Variants in CCT7 observed in about 807,000 individuals in gnomAD.
CCT7 encodes chaperonin containing TCP1 subunit 7, also known as T-complex protein 1 subunit eta.
Under a neutral mutation model 56.6 loss-of-function variants are expected in CCT7, and 16 were observed. The observed-to-expected ratio is 0.28, with a 90% CI of 0.19 to 0.43. The LOEUF is 0.43. CCT7 is among the 20% of genes least tolerant of loss of function. CCT7 has a pLI of 1.00. For missense variants in CCT7, 519 were observed against 685.6 expected (o/e 0.76, Z 2.71); for synonymous variants, 262 against 254.8 (o/e 1.03, Z -0.27).
chr2:73,239,906 G>T, intron 2 of CCT7, 110 bp downstream of exon 2: 1 of 916,432 alleles, frequency 1.1e-6, no homozygotes, highest in South Asian at 1.7e-5. Flanking sequence ...TAAGATCGTT[G>T]AAAGATGACT....
chr2:73,247,944 TTGG>T lies in CCT7; in HGVS notation c.783+22_783+24del. On this transcript the variant is annotated intron_variant, in intron 7 of 11. Coordinates refer to ENST00000258091, the MANE Select transcript of CCT7 (RefSeq NM_006429.4). ...CAGTTGAGGTAGGTGGGTTCACCAG[TTGG>T]TGGGGGCATGGAAATGGGCAGCTTT... The T allele has an allele frequency of 6.2e-7, 1 of 1,608,600 alleles. No homozygotes were observed. Among genetic ancestry groups the T allele is most frequent in the Non-Finnish European group, 8.5e-7 (1 of 1,175,230 alleles).
chr2:73,252,943 A>G lies in CCT7; in HGVS notation c.*82A>G, dbSNP rs1687664305. On this transcript the variant is annotated 3_prime_UTR_variant, in exon 12 of 12. Coordinates refer to ENST00000258091, the MANE Select transcript of CCT7 (RefSeq NM_006429.4). ...GCTTGGTTACTTCATTTTACAAGGAAGGGGTAGTAATTGGCCCACTCTCTT... is the reference window on the plus strand; with the variant it reads ...GCTTGGTTACTTCATTTTACAAGGAGGGGGTAGTAATTGGCCCACTCTCTT... The G allele has an allele frequency of 5.1e-6, 5 of 975,150 alleles. No individual in the cohort carries two copies. The East Asian group carries it at 1.3e-4, about 25-fold the overall frequency. The allele number at this position is 975,150 out of a possible 1,614,324, so 60.4% of individuals were successfully genotyped here. A position where few individuals can be genotyped will look rare whatever the true frequency, so the allele number is the denominator to read the frequency against.
chr2:73,247,057 A>G (rs928387389), intron 6 of CCT7, among the ~76,000 whole-genome samples: 1 of 152,174 alleles, frequency 6.6e-6, no homozygotes, highest in African/African-American at 2.4e-5. Context: ...CCCTGGGTGC[A>G]GTGTGCTTTC....
At chr2:73,252,324 GATATATATATATAT>G (rs57359293) in intron 11 of CCT7, among the ~76,000 whole-genome samples, 1 of 127,320 alleles carries the variant, frequency 7.9e-6, no homozygotes, top group African/African-American at 3.0e-5. Flanking sequence ...CTCATTGTTT[GATATATATATATAT>G]ATATATATAT....
intron 1 of CCT7, among the ~76,000 whole-genome samples, chr2:73,238,390 G>C (rs1686967399): frequency 1.3e-5 from 2 of 152,218 alleles, no homozygotes; most frequent in Admixed American, 1.3e-4. Context: ...CTGGCCAAAA[G>C]AGTTGAACTT....
At chr2:73,245,197 A>C (rs1251037820) in intron 6 of CCT7, among the ~76,000 whole-genome samples, 1 of 152,224 alleles carries the variant, frequency 6.6e-6, no homozygotes, top group Non-Finnish European at 1.5e-5. Flanking sequence ...AGCCACTATT[A>C]GTTTGTGTGT....
intron 10 of CCT7, among the ~76,000 whole-genome samples, 200 bp downstream of exon 10, chr2:73,250,638 C>G (rs1687538657): frequency 6.6e-6 from 1 of 152,014 alleles, no homozygotes; most frequent in Non-Finnish European, 1.5e-5. Context: ...GCCTTGAAAG[C>G]TAAGACTTGT....
chr2:73,247,044 C>G (rs977609817), intron 6 of CCT7, among the ~76,000 whole-genome samples: 2 of 152,270 alleles, frequency 1.3e-5, no homozygotes, highest in Non-Finnish European at 2.9e-5. Flanking sequence ...AGTGCTGAGT[C>G]AGCCCTGGGT....
rs775313700 is a variant in CCT7 at position 73,244,535 on chromosome 2, G to C, written c.447-9G>C. ...AAGACCTGATGCAGATTCTGCCCTT[G>C]TGTCCCAGGGAGCAGAGGAAGCTGC... On this transcript the variant is annotated splice_polypyrimidine_tract_variant and intron_variant, in intron 5 of 11. Coordinates refer to ENST00000258091, the MANE Select transcript of CCT7 (RefSeq NM_006429.4). 1 of 1,602,930 alleles carries C rather than the reference G, an allele frequency of 6.2e-7. No individual in the cohort carries two copies. Among genetic ancestry groups the C allele is most frequent in the Non-Finnish European group, 8.5e-7 (1 of 1,172,482 alleles).
At position 73,237,751 on chromosome 2, in the gene CCT7, T is replaced by G. The variant is rs543126130; in HGVS notation, c.7-1892T>G. ...AAATAAAAGGAGTAATGTATGATTATTTGACAAGCATTTAAAAAAATTTAA... is the reference window on the plus strand; with the variant it reads ...AAATAAAAGGAGTAATGTATGATTAGTTGACAAGCATTTAAAAAAATTTAA... On this transcript the variant is annotated intron_variant, in intron 1 of 11. Transcript: ENST00000258091. 3.9e-5 allele frequency: 6 copies of G among 152,340 alleles called. No homozygotes were observed. In the South Asian group the frequency reaches 6.2e-4, roughly 16 times the overall value. 9.4% of individuals were successfully genotyped at this position (152,340 alleles called of 1,614,324 possible).
At chr2:73,251,909 A>G (rs1221942311) in intron 11 of CCT7, among the ~76,000 whole-genome samples, 2 of 151,840 alleles carry the variant, frequency 1.3e-5, no homozygotes, top group African/African-American at 4.8e-5. Context: ...GCTGCACTCC[A>G]GCCCGGGTGG....
chr2:73,241,184 G>C (rs1009967516), intron 3 of CCT7, among the ~76,000 whole-genome samples: 3 of 151,904 alleles, frequency 2.0e-5, no homozygotes, highest in African/African-American at 7.3e-5. Flanking sequence ...TGACAGATAG[G>C]TTTTGTATTT....
chr2:73,237,625 C>A (rs1014360360), intron 1 of CCT7: 3 of 152,100 alleles, frequency 2.0e-5, no homozygotes, highest in Non-Finnish European at 2.9e-5. Flanking sequence ...TTCTTGCCAC[C>A]AGACCTGGGA....
intron 3 of CCT7, among the ~76,000 whole-genome samples, chr2:73,241,341 G>A (rs1202227649): frequency 2.6e-5 from 4 of 151,918 alleles, no homozygotes; most frequent in African/African-American, 9.7e-5. Flanking sequence ...TCTTCAACGA[G>A]GGAATAATGC....
At chr2:73,248,118 G>C (rs540215961) in intron 7 of CCT7, among the ~76,000 whole-genome samples, 192 bp downstream of exon 7, 5 of 152,266 alleles carry the variant, frequency 3.3e-5, no homozygotes, top group Admixed American at 3.3e-4. Flanking sequence ...AATTTGGATA[G>C]GGAACACCTG....
At chr2:73,251,980 G>A (rs1687609582) in intron 11 of CCT7, among the ~76,000 whole-genome samples, 1 of 151,832 alleles carries the variant, frequency 6.6e-6, no homozygotes, top group African/African-American at 2.4e-5. Context: ...TGGTACCACA[G>A]GAGGAACCTT....
At position 73,243,978 on chromosome 2, in the gene CCT7, C is replaced by G. The variant is rs1687221715; in HGVS notation, c.394-19C>G. The G allele has an allele frequency of 6.2e-7, 1 of 1,612,556 alleles. No homozygotes were observed. Among genetic ancestry groups the G allele is most frequent in the Non-Finnish European group, 8.5e-7 (1 of 1,179,032 alleles). On this transcript the variant is annotated intron_variant, in intron 4 of 11. Coordinates refer to ENST00000258091, the MANE Select transcript of CCT7 (RefSeq NM_006429.4). The stretch of plus-strand genomic sequence containing the variant: ...TTGTCTTTAGCATGAGAGACTCATT[C>G]AACTTCTGTTCTTGGCAGGCAGTTA...
At chr2:73,250,136 G>T (rs1391117463) in intron 9 of CCT7, among the ~76,000 whole-genome samples, 170 bp from the exon 10 acceptor site, 1 of 152,202 alleles carries the variant, frequency 6.6e-6, no homozygotes, top group Admixed American at 6.5e-5. Context: ...ATGCCCTAGT[G>T]GTACAGCTGC....
At chr2:73,244,804 G>C in intron 6 of CCT7, 89 bp downstream of exon 6, 1 of 938,370 alleles carries the variant, frequency 1.1e-6, no homozygotes, top group Non-Finnish European at 1.5e-6. Flanking sequence ...CTCATTACAG[G>C]AATAAAGAGA....
Sources: gnomAD v4.1 joint callset for allele counts (sites outside exome capture counted in the v4.1 genomes callset) on GRCh38, gnomAD v4.1.1 for gene constraint, MANE v1.5 for transcripts, NCBI Gene and HGNC (gene_info 2026-07-23, HGNC 2026-07-21) for gene names.